SGCZ: variants seen among roughly 807,000 people sequenced by gnomAD.
SGCZ encodes the protein sarcoglycan zeta.
Under a neutral mutation model 41.3 loss-of-function variants are expected in SGCZ, and 40 were observed. That is an observed-to-expected ratio of 0.97 (90% CI 0.75 to 1.26). SGCZ has a LOEUF of 1.26. Ranked by LOEUF, SGCZ falls within the 50% of genes most tolerant of loss-of-function variation. SGCZ has a pLI of 0.00. For synonymous variants in SGCZ, 206 were observed against 137.5 expected (o/e 1.50, Z -3.49); for missense variants, 552 against 369.8 (o/e 1.49, Z -4.04).
intron 1 of SGCZ, among the ~76,000 whole-genome samples, chr8:14,971,874 A>T (rs1355051722): frequency 6.6e-6 from 1 of 151,642 alleles, no homozygotes; most frequent in African/African-American, 2.4e-5. Context: ...GGTTTCAATC[A>T]CTTGGTCTCG....
At chr8:14,190,037 G>T (rs1477570093) in intron 4 of SGCZ, among the ~76,000 whole-genome samples, 28 of 70,226 alleles carry the variant, frequency 4.0e-4, no homozygotes, top group African/African-American at 1.6e-3. Flanking sequence ...TTTTGAGACG[G>T]ACTCTTGCTC....
chr8:14,330,812 T>C (rs1422810951), intron 2 of SGCZ, among the ~76,000 whole-genome samples: 1 of 151,888 alleles, frequency 6.6e-6, no homozygotes, highest in African/African-American at 2.4e-5. Context: ...GGCATGAAAT[T>C]AAGAAAATAT....
intron 1 of SGCZ, among the ~76,000 whole-genome samples, chr8:15,178,967 G>A (rs1382798560): frequency 6.6e-6 from 1 of 152,128 alleles, no homozygotes; most frequent in African/African-American, 2.4e-5. Context: ...AACAATTTTA[G>A]ATATTGTCTT....
At chr8:14,181,728 T>G (rs1442172113) in intron 4 of SGCZ, among the ~76,000 whole-genome samples, 4 of 152,222 alleles carry the variant, frequency 2.6e-5, no homozygotes, top group Admixed American at 2.6e-4. Context: ...TACATCCCTT[T>G]GTTCTTCCTT....
chr8:14,256,413 C>T (rs981755287), intron 3 of SGCZ, among the ~76,000 whole-genome samples: 1 of 152,142 alleles, frequency 6.6e-6, no homozygotes, highest in African/African-American at 2.4e-5. Context: ...CTTGTTAGCA[C>T]TCTGATCTAT....
intron 1 of SGCZ, among the ~76,000 whole-genome samples, chr8:14,598,668 T>C (rs1027352408): frequency 9.2e-5 from 14 of 151,936 alleles, no homozygotes; most frequent in South Asian, 2.1e-4. Flanking sequence ...ACTTGGACTA[T>C]AGGTGGGCCA....
In SGCZ at chr8:14,743,407, G is replaced by C. The variant is rs138437629; in HGVS notation, c.40-188481C>G. On this transcript the variant is annotated intron_variant, in intron 1 of 7. Coordinates refer to ENST00000382080, the MANE Select transcript of SGCZ (RefSeq NM_139167.4). ...AGTTTTAAATATTAAATCACTAATG[G>C]AATACTGTTTTATATGAAATAACTT... 4.9e-3 allele frequency among the ~76,000 whole-genome samples: 747 copies of C among 152,006 alleles called. 3 individuals carry two copies. Among genetic ancestry groups the C allele is most frequent in the East Asian group, 0.02 (104 of 5,176 alleles).
intron 2 of SGCZ, among the ~76,000 whole-genome samples, chr8:14,328,375 C>T (rs555479766): frequency 6.6e-6 from 1 of 152,002 alleles, no homozygotes; most frequent in Non-Finnish European, 1.5e-5. Flanking sequence ...TAATGTACTA[C>T]ACCTAGACCT....
At chr8:14,657,404 A>G (rs186207183) in intron 1 of SGCZ, among the ~76,000 whole-genome samples, 43 of 152,254 alleles carry the variant, frequency 2.8e-4, no homozygotes, top group African/African-American at 1.0e-3. Flanking sequence ...TTGACAGCTA[A>G]TATTAAAATG....
chr8:14,441,159 A>G (rs1346684520), intron 2 of SGCZ, among the ~76,000 whole-genome samples: 1 of 152,202 alleles, frequency 6.6e-6, no homozygotes, highest in African/African-American at 2.4e-5. Flanking sequence ...AAAATTTACA[A>G]TCAGTTTTTA....
intron 1 of SGCZ, among the ~76,000 whole-genome samples, chr8:14,753,164 G>A (rs1799552196): frequency 1.3e-5 from 2 of 152,078 alleles, no homozygotes; most frequent in African/African-American, 4.8e-5. Flanking sequence ...TCCTTAGCCT[G>A]ATACTTGGCC....
At chr8:14,832,131 T>G (rs1402642774) in intron 1 of SGCZ, among the ~76,000 whole-genome samples, 1 of 152,166 alleles carries the variant, frequency 6.6e-6, no homozygotes, top group Non-Finnish European at 1.5e-5. Context: ...ACTATTGAAG[T>G]GCATAATAAT....
intron 3 of SGCZ, among the ~76,000 whole-genome samples, chr8:14,262,098 C>T (rs1264944031): frequency 6.6e-6 from 1 of 152,146 alleles, no homozygotes; most frequent in Non-Finnish European, 1.5e-5. Flanking sequence ...CTTGCATGAT[C>T]ACATGAGTAT....
At chr8:15,065,644 G>T (rs1325065571) in intron 1 of SGCZ, among the ~76,000 whole-genome samples, 4 of 151,760 alleles carry the variant, frequency 2.6e-5, no homozygotes, top group Admixed American at 6.6e-5. Flanking sequence ...TTGCCATTTT[G>T]CCCAGGCTGG....
chr8:14,686,586 T>A lies in SGCZ; in HGVS notation c.40-131660A>T, dbSNP rs116042769. 2.1e-3 allele frequency among the ~76,000 whole-genome samples: 323 copies of A among 152,088 alleles called. 1 individual carries two copies. Among genetic ancestry groups the A allele is most frequent in the Middle Eastern group, 6.8e-3 (2 of 294 alleles). On this transcript the variant is annotated intron_variant, in intron 1 of 7. Transcript: ENST00000382080. ...GATGGGAAACAGGAAGACGGCCAGG[T>A]TTTCAGCTTCTGGAGATCATGGCTA...
At chr8:14,640,532 G>A (rs1009812410) in intron 1 of SGCZ, among the ~76,000 whole-genome samples, 1 of 151,618 alleles carries the variant, frequency 6.6e-6, no homozygotes, top group African/African-American at 2.4e-5. Flanking sequence ...GTATCTTCGT[G>A]AATATTCCTC....
intron 1 of SGCZ, among the ~76,000 whole-genome samples, chr8:14,595,276 A>G (rs1805371613): frequency 6.6e-6 from 1 of 152,142 alleles, no homozygotes; most frequent in Admixed American, 6.6e-5. Flanking sequence ...TTTTTTTGGA[A>G]AACATATTAA....
intron 1 of SGCZ, among the ~76,000 whole-genome samples, chr8:14,904,998 A>G (rs1180274414): frequency 6.6e-6 from 1 of 152,024 alleles, no homozygotes; most frequent in Non-Finnish European, 1.5e-5. Context: ...GCCTAACACA[A>G]AAATTAAATC....
intron 1 of SGCZ, among the ~76,000 whole-genome samples, chr8:14,628,704 C>G (rs964658859): frequency 6.6e-6 from 1 of 152,070 alleles, no homozygotes; most frequent in African/African-American, 2.4e-5. Flanking sequence ...TAATATCAAA[C>G]TGCTTTTCAT....
Sources: gnomAD v4.1 joint callset for allele counts (sites outside exome capture counted in the v4.1 genomes callset) on GRCh38, gnomAD v4.1.1 for gene constraint, MANE v1.5 for transcripts, NCBI Gene and HGNC (gene_info 2026-07-23, HGNC 2026-07-21) for gene names.